STMN2: variants seen among roughly 807,000 people sequenced by gnomAD.
STMN2 encodes stathmin 2, also known as stathmin-2.
STMN2 carries 2 observed loss-of-function variants against 24.1 expected under a neutral mutation model. The observed-to-expected ratio is 0.08, with a 90% CI of 0.03 to 0.26. STMN2 has a LOEUF of 0.26. Among genes scored for constraint, STMN2 ranks in the 10% least tolerant of loss-of-function variants. The pLI is 1.00. For missense variants in STMN2, 114 were observed against 213.6 expected (o/e 0.53, Z 2.91); for synonymous variants, 83 against 77.5 (o/e 1.07, Z -0.37).
chr8:79,665,387 C>T lies in STMN2; in HGVS notation c.*513C>T, dbSNP rs772674527. On this transcript the variant is annotated 3_prime_UTR_variant, in exon 5 of 5. Coordinates refer to ENST00000220876, the MANE Select transcript of STMN2 (RefSeq NM_007029.4). ...ACAGGTATTATGACTCCACATGAAC[C>T]TTCACATTTGTTCGCTCATAATCTA... is the stretch of plus-strand genomic sequence containing the variant. 1.9e-5 allele frequency: 3 copies of T among 154,412 alleles called. No homozygotes were observed. Among genetic ancestry groups the T allele is most frequent in the Non-Finnish European group, 4.4e-5 (3 of 68,262 alleles). The allele number at this position is 154,412 out of a possible 1,614,324, so 9.6% of individuals were successfully genotyped here.
intron 1 of STMN2, among the ~76,000 whole-genome samples, chr8:79,621,297 G>C (rs1809509890): frequency 6.6e-6 from 1 of 152,174 alleles, no homozygotes; most frequent in African/African-American, 2.4e-5. Context: ...TGTCTGTCAA[G>C]TAGTATATAA....
chr8:79,628,040 G>T (rs1348114788), intron 1 of STMN2, among the ~76,000 whole-genome samples: 1 of 152,094 alleles, frequency 6.6e-6, no homozygotes, highest in Non-Finnish European at 1.5e-5. Context: ...CTTGGGTCTT[G>T]TGAATAATGA....
chr8:79,619,259 A>T (rs1021444659), intron 1 of STMN2, among the ~76,000 whole-genome samples: 8 of 152,170 alleles, frequency 5.3e-5, no homozygotes, highest in Non-Finnish European at 1.2e-4. Flanking sequence ...TTATATCAGG[A>T]TAAAGAGAAT....
rs143359984 is a variant in STMN2, at chr8:79,620,925, T to C, written c.19+9711T>C. The C allele has an allele frequency of 6.8e-5, 67 of 982,138 alleles. No individual in the cohort carries two copies. The East Asian group carries it at 6.3e-3, about 92-fold the overall frequency. 60.8% of individuals were successfully genotyped at this position (982,138 alleles called of 1,614,324 possible). A position where few individuals can be genotyped will look rare whatever the true frequency, so the allele number is the denominator to read the frequency against. ...AGCTCCCAGGTGGTGCTGATGAGGC[T>C]GATTCAGAACCACACTTGGAGTAGA... On this transcript the variant is annotated intron_variant, in intron 1 of 4. Transcript: ENST00000220876.
chr8:79,646,551 T>C (rs1810221918), intron 3 of STMN2, among the ~76,000 whole-genome samples: 1 of 151,850 alleles, frequency 6.6e-6, no homozygotes, highest in South Asian at 2.1e-4. Flanking sequence ...ACATTCAAAA[T>C]GATGAGAGCA....
Position 79,665,445 on chromosome 8 carries a change from GA to G in STMN2, c.*574del, listed in dbSNP as rs1300182885. On this transcript the variant is annotated 3_prime_UTR_variant, in exon 5 of 5. Coordinates refer to ENST00000220876, the MANE Select transcript of STMN2 (RefSeq NM_007029.4). ...CCTAAAAACTACAAAACCAGGCTAA[GA>G]AATACCACCAGTCATAGCATTTACT... is the stretch of plus-strand genomic sequence containing the variant. 1 of 154,390 alleles carries G rather than the reference GA, an allele frequency of 6.5e-6. No individual in the cohort carries two copies. The highest frequency in any genetic ancestry group is 1.5e-5 in the Non-Finnish European group (1 of 68,228). 9.6% of individuals were successfully genotyped at this position (154,390 alleles called of 1,614,324 possible). A position where few individuals can be genotyped will look rare whatever the true frequency, so the allele number is the denominator to read the frequency against.
At chr8:79,657,124 T>C (rs1806392051) in intron 4 of STMN2, among the ~76,000 whole-genome samples, 1 of 152,216 alleles carries the variant, frequency 6.6e-6, no homozygotes, top group Admixed American at 6.5e-5. Flanking sequence ...TCCACCCACC[T>C]CGGCCTCCCG....
rs933192239 is a variant in STMN2 at position 79,625,755 on chromosome 8, C to G, written c.20-11047C>G. The stretch of plus-strand genomic sequence containing the variant: ...GGTGGATCACCTGAGTTCAGGAGTT[C>G]GAGACCAGCCTGGACAACATGGTGA... On this transcript the variant is annotated intron_variant, in intron 1 of 4. Transcript: ENST00000220876. Among the ~76,000 whole-genome samples, 3 of 151,962 alleles carry G rather than the reference C, an allele frequency of 2.0e-5. No individual in the cohort carries two copies. In the South Asian group the frequency reaches 6.2e-4, roughly 32 times the overall value.
chr8:79,616,453 T>C (rs1809384580), intron 1 of STMN2, among the ~76,000 whole-genome samples: 1 of 152,232 alleles, frequency 6.6e-6, no homozygotes, highest in Non-Finnish European at 1.5e-5. Flanking sequence ...AAATATTTAA[T>C]AGTGTCATAT....
intron 1 of STMN2, among the ~76,000 whole-genome samples, chr8:79,620,674 A>G (rs1809494816): frequency 6.6e-6 from 1 of 152,178 alleles, no homozygotes; most frequent in Non-Finnish European, 1.5e-5. Flanking sequence ...GATAGTACAT[A>G]ATGATACACT....
intron 4 of STMN2, among the ~76,000 whole-genome samples, chr8:79,659,929 A>G (rs77688255): frequency 0.037 from 5,701 of 152,310 alleles, 142 homozygotes; most frequent in South Asian, 0.1. Context: ...CTCACCCAGT[A>G]TCTACTAAAT....
chr8:79,619,891 A>AT (rs895552300), intron 1 of STMN2, among the ~76,000 whole-genome samples: 5 of 151,820 alleles, frequency 3.3e-5, no homozygotes, highest in African/African-American at 4.8e-5. Flanking sequence ...ATTTCTGATG[A>AT]TTTTTTTCTT....
At position 79,611,133 on chromosome 8, in the gene STMN2, C is replaced by T; in HGVS notation, c.-63C>T. On this transcript the variant is annotated 5_prime_UTR_variant, in exon 1 of 5. Coordinates refer to ENST00000220876, the MANE Select transcript of STMN2 (RefSeq NM_007029.4). ...GCCTTATTCAGTCTTCTCTCTCGCT[C>T]TCTCCGCTGCTGTAGCCGGACCCTT... The T allele has an allele frequency of 6.2e-7, 1 of 1,611,510 alleles. No homozygotes were observed. The highest frequency in any genetic ancestry group is 1.1e-5 in the South Asian group (1 of 90,814).
intron 2 of STMN2, 24 bp from the exon 3 acceptor site, chr8:79,641,354 C>T (rs760793798): frequency 1.6e-5 from 26 of 1,607,404 alleles, no homozygotes; most frequent in Non-Finnish European, 2.1e-5. Flanking sequence ...GTATGCTTAA[C>T]ATTCTCAAAT....
intron 4 of STMN2, among the ~76,000 whole-genome samples, chr8:79,656,985 T>G (rs1015650598): frequency 7.2e-5 from 11 of 152,106 alleles, no homozygotes; most frequent in Non-Finnish European, 1.3e-4. Flanking sequence ...GTGATTCTCA[T>G]GTCTCAGCCT....
rs536326498 is a variant in STMN2 at position 79,659,583 on chromosome 8, G to T, written c.480+4521G>T. Among the ~76,000 whole-genome samples the T allele has an allele frequency of 2.6e-5, 4 of 152,276 alleles. No individual in the cohort carries two copies. The South Asian group carries it at 8.3e-4, about 32-fold the overall frequency. ...GCGCCAAATGACCCAATCAAGAATTGCAGTGAGACAGTTAGTTTTGAAAAA... is the reference window on the plus strand; with the variant it reads ...GCGCCAAATGACCCAATCAAGAATTTCAGTGAGACAGTTAGTTTTGAAAAA... On this transcript the variant is annotated intron_variant, in intron 4 of 4. Coordinates refer to ENST00000220876, the MANE Select transcript of STMN2 (RefSeq NM_007029.4).
chr8:79,636,125 G>T lies in STMN2; in HGVS notation c.20-677G>T, dbSNP rs183679783. On this transcript the variant is annotated intron_variant, in intron 1 of 4. Transcript: ENST00000220876. ...CCAGCTAATGGGGAGGCTGAGGGGGGAACATCACTTGAGCCCAGGAGGTGG... is the reference window on the plus strand; with the variant it reads ...CCAGCTAATGGGGAGGCTGAGGGGGTAACATCACTTGAGCCCAGGAGGTGG... Among the ~76,000 whole-genome samples the T allele has an allele frequency of 3.0e-3, 457 of 152,220 alleles. 7 individuals carry two copies. The highest frequency in any genetic ancestry group is 2.8e-3 in the Non-Finnish European group (193 of 68,018).
intron 3 of STMN2, among the ~76,000 whole-genome samples, chr8:79,642,263 A>G (rs1051372046): frequency 6.6e-5 from 10 of 152,136 alleles, no homozygotes; most frequent in African/African-American, 2.4e-4. Flanking sequence ...TTACTTTTCC[A>G]TAATCACATG....
At chr8:79,612,317 C>T (rs1189019357) in intron 1 of STMN2, among the ~76,000 whole-genome samples, 1 of 152,194 alleles carries the variant, frequency 6.6e-6, no homozygotes. Flanking sequence ...AAGCAAATTA[C>T]ATAGAGTGTT....
Sources: allele counts gnomAD v4.1 joint callset (sites outside exome capture counted in the v4.1 genomes callset), GRCh38; gene constraint gnomAD v4.1.1; transcripts MANE v1.5; gene names NCBI Gene and HGNC (gene_info 2026-07-23, HGNC 2026-07-21).